USH2A: variants seen among roughly 807,000 people sequenced by gnomAD.
USH2A encodes usherin, also known as Usher syndrome 2A (autosomal recessive, mild).
Under a neutral mutation model 538.9 loss-of-function variants are expected in USH2A, and 443 were observed. That is an observed-to-expected ratio of 0.82 (90% CI 0.76 to 0.89). USH2A has a LOEUF of 0.89. Among genes scored for constraint, USH2A ranks in the 40% least tolerant of loss-of-function variants. The pLI, the probability that USH2A is intolerant of heterozygous loss-of-function variation, is 0.00. For synonymous variants in USH2A, 2,413 were observed against 2,273.5 expected (o/e 1.06, Z -1.75); for missense variants, 6,633 against 6,324.8 (o/e 1.05, Z -1.65).
intron 61 of USH2A, among the ~76,000 whole-genome samples, chr1:215,688,511 T>C (rs1011344498): frequency 6.6e-6 from 1 of 152,112 alleles, no homozygotes; most frequent in African/African-American, 2.4e-5. Flanking sequence ...CGGGCTGCTA[T>C]AGCAAAGAAC....
chr1:215,651,225 C>T (rs1657070491), intron 64 of USH2A, among the ~76,000 whole-genome samples: 1 of 152,116 alleles, frequency 6.6e-6, no homozygotes, highest in Admixed American at 6.5e-5. Flanking sequence ...TTCCTTTCAT[C>T]AAGGAGGGAA....
Position 215,846,084 on chromosome 1 carries a change from GA to G in USH2A, c.8846-52del, listed in dbSNP as rs77889398. On this transcript the variant is annotated intron_variant, in intron 44 of 71. Coordinates refer to ENST00000307340, the MANE Select transcript of USH2A (RefSeq NM_206933.4). Reference sequence around the variant, plus strand: ...GTGAATGTAGCTGAGGCTTTCAGGGGAAAAAAAAAATTCTATCATTAGCTTT... The same window carrying G: ...GTGAATGTAGCTGAGGCTTTCAGGGGAAAAAAAAATTCTATCATTAGCTTT... 71,818 of 1,479,362 alleles carry G rather than the reference GA, an allele frequency of 0.049. 2,256 individuals carry two copies. The highest frequency in any genetic ancestry group is 0.15 in the East Asian group (6,468 of 42,218). 91.6% of individuals were successfully genotyped at this position (1,479,362 alleles called of 1,614,324 possible). A position where few individuals can be genotyped will look rare whatever the true frequency, so the allele number is the denominator to read the frequency against.
At chr1:216,029,415 T>C (rs1669039328) in intron 32 of USH2A, among the ~76,000 whole-genome samples, 1 of 152,108 alleles carries the variant, frequency 6.6e-6, no homozygotes, top group Non-Finnish European at 1.5e-5. Flanking sequence ...TATTAGTTAT[T>C]AGCCATAACT....
At chr1:216,059,590 A>G (rs938327384) in intron 30 of USH2A, among the ~76,000 whole-genome samples, 2 of 152,062 alleles carry the variant, frequency 1.3e-5, no homozygotes, top group African/African-American at 4.8e-5. Context: ...TTTTTCCTCC[A>G]TCCCTTACCC....
chr1:215,870,291 T>A (rs560156357), intron 43 of USH2A, among the ~76,000 whole-genome samples: 57 of 145,106 alleles, frequency 3.9e-4, no homozygotes, highest in South Asian at 1.9e-3. Flanking sequence ...TTTTTTATTT[T>A]TTTTTTATTT....
Position 215,650,866 on chromosome 1 carries a change from AAAAG to A in USH2A, c.14134-69_14134-66del, listed in dbSNP as rs1657053537. ...CCCTAAGGCTGGGAAAAAAAAAAAA[AAAAG>A]AAAGGAAAAAAAACGAAATTGGCAA... On this transcript the variant is annotated intron_variant, in intron 64 of 71. Transcript: ENST00000307340. The A allele has an allele frequency of 5.7e-6, 9 of 1,573,458 alleles. No homozygotes were observed. In the East Asian group the frequency reaches 9.0e-5, roughly 16 times the overall value.
rs769264662 is a variant in USH2A at position 215,965,487 on chromosome 1, T to G, written c.6958-8A>C. 1 of 1,613,306 alleles carries G rather than the reference T, an allele frequency of 6.2e-7. No homozygotes were observed. Among genetic ancestry groups the G allele is most frequent in the African/African-American group, 1.3e-5 (1 of 74,968 alleles). On this transcript the variant is annotated splice_polypyrimidine_tract_variant and splice_region_variant and intron_variant, in intron 36 of 71. Transcript: ENST00000307340. The stretch of plus-strand genomic sequence containing the variant: ...TAGAGTTCGATTTTCCACCTGTGAG[T>G]ATAAAAAGATTTATTTTTGTTTGCA...
intron 20 of USH2A, among the ~76,000 whole-genome samples, chr1:216,179,738 C>T (rs529371608): frequency 4.0e-4 from 61 of 152,142 alleles, no homozygotes; most frequent in African/African-American, 1.5e-3. Flanking sequence ...AACCATTAAA[C>T]ACACACACAT....
chr1:216,078,486 A>G (rs1294574805), intron 26 of USH2A, 124 bp from the exon 27 acceptor site: 2 of 846,700 alleles, frequency 2.4e-6, no homozygotes, highest in East Asian at 4.9e-5. Context: ...ACTCTATAGA[A>G]ATGTGTCACT....
chr1:215,898,055 A>G (rs551011246), intron 40 of USH2A, among the ~76,000 whole-genome samples: 2 of 152,310 alleles, frequency 1.3e-5, no homozygotes, highest in African/African-American at 4.8e-5. Flanking sequence ...CCCTGTCACC[A>G]TGTCTCAGGT....
chr1:215,846,052 G>A lies in USH2A; in HGVS notation c.8846-19C>T. 1.2e-6 allele frequency: 2 copies of A among 1,611,158 alleles called. No homozygotes were observed. The highest frequency in any genetic ancestry group is 1.1e-5 in the South Asian group (1 of 90,972). ...TGAACAGCTGTCAACAATAAATGCA[G>A]GACATGGTGAATGTAGCTGAGGCTT... On this transcript the variant is annotated intron_variant, in intron 44 of 71. Coordinates refer to ENST00000307340, the MANE Select transcript of USH2A (RefSeq NM_206933.4).
intron 32 of USH2A, among the ~76,000 whole-genome samples, chr1:216,021,661 C>T (rs1029257525): frequency 5.3e-5 from 8 of 152,172 alleles, no homozygotes; most frequent in African/African-American, 1.9e-4. Flanking sequence ...TCAGCTCCCA[C>T]AGTCATGTGA....
At chr1:215,853,294 C>T (rs1558128296) in intron 44 of USH2A, among the ~76,000 whole-genome samples, 1 of 152,212 alleles carries the variant, frequency 6.6e-6, no homozygotes, top group African/African-American at 2.4e-5. Flanking sequence ...GGCCTTTCAG[C>T]CATGGCTGGA....
At chr1:215,722,748 G>A (rs1659697212) in intron 61 of USH2A, among the ~76,000 whole-genome samples, 1 of 152,186 alleles carries the variant, frequency 6.6e-6, no homozygotes, top group Non-Finnish European at 1.5e-5. Flanking sequence ...TCTACACAGA[G>A]TGAAGTACCA....
chr1:216,014,135 T>C (rs1367404331), intron 32 of USH2A, among the ~76,000 whole-genome samples: 1 of 151,546 alleles, frequency 6.6e-6, no homozygotes, highest in Non-Finnish European at 1.5e-5. Context: ...GCAGAGAAAG[T>C]TGCACGGTGA....
At chr1:215,640,275 A>C (rs767319898) in intron 68 of USH2A, among the ~76,000 whole-genome samples, 2 of 151,984 alleles carry the variant, frequency 1.3e-5, no homozygotes, top group Non-Finnish European at 2.9e-5. Context: ...TCTTTTGTGA[A>C]CCCAACTGGC....
At chr1:216,206,931 T>A (rs1237808762) in intron 16 of USH2A, among the ~76,000 whole-genome samples, 1 of 152,216 alleles carries the variant, frequency 6.6e-6, no homozygotes, top group East Asian at 1.9e-4. Context: ...TTCATAGATT[T>A]TAACAAATTA....
chr1:216,050,766 G>A (rs916683558), intron 30 of USH2A, among the ~76,000 whole-genome samples: 24 of 150,744 alleles, frequency 1.6e-4, no homozygotes, highest in South Asian at 4.2e-4. Flanking sequence ...CACCACGCCC[G>A]GCTAATTTTT....
At chr1:216,070,017 A>T (rs1227744790) in intron 30 of USH2A, 84 bp downstream of exon 30, 7 of 1,500,016 alleles carry the variant, frequency 4.7e-6, no homozygotes, top group Non-Finnish European at 6.4e-6. Context: ...CATTTTTCTA[A>T]AAAACATTTG....
Sources: gnomAD v4.1 joint callset for allele counts (sites outside exome capture counted in the v4.1 genomes callset) on GRCh38, gnomAD v4.1.1 for gene constraint, MANE v1.5 for transcripts, NCBI Gene and HGNC (gene_info 2026-07-23, HGNC 2026-07-21) for gene names.